The following ACSM3 variants were observed in gnomAD, a reference collection of about 807,000 sequenced individuals.
ACSM3 encodes the protein acyl-CoA synthetase medium chain family member 3.
Under a neutral mutation model 74.1 loss-of-function variants are expected in ACSM3, and 61 were observed. That is an observed-to-expected ratio of 0.82 (90% CI 0.67 to 1.02). The LOEUF (loss-of-function observed/expected upper bound fraction) is 1.02, where lower values mean the gene tolerates loss of function less well. Ranked by LOEUF, ACSM3 falls within the 50% of genes least tolerant of loss-of-function variation. ACSM3 has a pLI of 0.00. For missense variants in ACSM3, 660 were observed against 697.0 expected (o/e 0.95, Z 0.60); for synonymous variants, 213 against 241.5 (o/e 0.88, Z 1.09).
chr16:20,688,955 A>G lies in ACSM3; in HGVS notation c.-190+14133A>G, dbSNP rs570889117. ...AAATCATAAAAATAATTATAAATAT[A>G]TGTTAACTTATTAACATATATTTAA... On this transcript the variant is annotated intron_variant, in intron 1 of 3. Transcript: ENST00000561584. Among the ~76,000 whole-genome samples, 153 of 148,884 alleles carry G rather than the reference A, an allele frequency of 1.0e-3. No homozygotes were observed. In the Middle Eastern group the frequency reaches 0.011, roughly 10 times the overall value.
intron 1 of ACSM3, chr16:20,727,261 G>C (rs16970574): frequency 0.057 from 27,536 of 483,692 alleles, 961 homozygotes; most frequent in Middle Eastern, 0.13. Context: ...TTCTATGCTT[G>C]CTGCTTGAAT....
intron 1 of ACSM3, among the ~76,000 whole-genome samples, chr16:20,715,279 T>C (rs2079757581): frequency 6.6e-6 from 1 of 152,196 alleles, no homozygotes; most frequent in Non-Finnish European, 1.5e-5. Flanking sequence ...AAGAAAACCA[T>C]GTTAATATTT....
chr16:20,784,839 G>A (rs2080435454), intron 7 of ACSM3, 145 bp from the exon 8 acceptor site: 3 of 694,046 alleles, frequency 4.3e-6, no homozygotes, highest in Non-Finnish European at 6.7e-6. Context: ...ATATGTTTAT[G>A]GGGTAAAATG....
intron 1 of ACSM3, chr16:20,676,171 G>A (rs562312523): frequency 1.3e-5 from 2 of 152,428 alleles, no homozygotes; most frequent in South Asian, 4.1e-4. Flanking sequence ...TGAAAGGCTG[G>A]AAAAGTCAGG....
In ACSM3 at chr16:20,685,198, C is replaced by T. The variant is rs769122330; in HGVS notation, c.-190+10376C>T. 2.9e-5 allele frequency: 47 copies of T among 1,614,012 alleles called. No homozygotes were observed. The East Asian group carries it at 4.0e-4, about 14-fold the overall frequency. ...GTCCCTCTTGCATCACTGACCTGTT[C>T]GCATGCAGCCCACAGCCACCAGCCA... On this transcript the variant is annotated intron_variant, in intron 1 of 3. Coordinates refer to the ACSM3 transcript ENST00000561584.
Position 20,717,963 on chromosome 16 carries a change from GAAGAAGAAGAAGAA to G in ACSM3, c.-189-31946_-189-31933del, listed in dbSNP as rs1596484250. ...AGAAGAGGAAGAGGAAGAGGAAGAA[GAAGAAGAAGAAGAA>G]GAAGAAGAAGAAGAAGAAGAAGAAG... On this transcript the variant is annotated intron_variant, in intron 1 of 3. Coordinates refer to the ACSM3 transcript ENST00000561584. Among the ~76,000 whole-genome samples the G allele has an allele frequency of 5.4e-3, 505 of 93,668 alleles. 12 individuals are homozygous for G. Among genetic ancestry groups the G allele is most frequent in the African/African-American group, 0.017 (339 of 20,068 alleles). 61.4% of individuals were successfully genotyped at this position (93,668 alleles called of 152,430 possible). A position where few individuals can be genotyped will look rare whatever the true frequency, so the allele number is the denominator to read the frequency against.
chr16:20,754,204 G>GAAACTCC (rs2080011301), intron 2 of ACSM3, among the ~76,000 whole-genome samples: 1 of 152,178 alleles, frequency 6.6e-6, no homozygotes, highest in African/African-American at 2.4e-5. Flanking sequence ...AGAAGGAGAG[G>GAAACTCC]TACTAGTTTA....
intron 1 of ACSM3, among the ~76,000 whole-genome samples, chr16:20,742,825 T>C (rs1457069291): frequency 9.0e-5 from 13 of 144,794 alleles, no homozygotes; most frequent in East Asian, 2.1e-4. Context: ...TTTTTTTTTT[T>C]CCCTTCTCCC....
At chr16:20,718,019 A>AGAG (rs1427441373) in intron 1 of ACSM3, among the ~76,000 whole-genome samples, 5 of 149,048 alleles carry the variant, frequency 3.4e-5, no homozygotes, top group African/African-American at 1.3e-4. Context: ...AAGAAGAAGA[A>AGAG]GAAGAAGAAA....
chr16:20,733,029 T>A (rs1289643318), intron 1 of ACSM3: 1 of 153,626 alleles, frequency 6.5e-6, no homozygotes, highest in Non-Finnish European at 1.5e-5. Flanking sequence ...GTAATATGAT[T>A]GCTTTCTCGA....
At chr16:20,682,211 C>T (rs750849186) in intron 1 of ACSM3, 44 of 1,585,814 alleles carry the variant, frequency 2.8e-5, no homozygotes, top group Non-Finnish European at 3.6e-5. Context: ...AATTATCCCA[C>T]AACAACTGTA....
At position 20,769,989 on chromosome 16, in the gene ACSM3, C is replaced by CT; in HGVS notation, c.-45dup. On this transcript the variant is annotated 5_prime_UTR_variant, in exon 2 of 14. The change abolishes the stop of an existing upstream ORF in the 5' untranslated region. Transcript: ENST00000289416. ...CCTTTTTGCTTGTCTTTTAGATGAA[C>CT]TGGTCTCTGTGCAAATCCTGAGTGC... The CT allele has an allele frequency of 6.3e-7, 1 of 1,583,060 alleles. No homozygotes were observed. Among genetic ancestry groups the CT allele is most frequent in the Non-Finnish European group, 8.7e-7 (1 of 1,152,446 alleles).
Position 20,797,032 on chromosome 16 carries a change from A to C in ACSM3, c.*60A>C. 2.5e-6 allele frequency: 4 copies of C among 1,580,926 alleles called. No homozygotes were observed. The South Asian group carries it at 4.8e-5, about 19-fold the overall frequency. On this transcript the variant is annotated 3_prime_UTR_variant, in exon 14 of 14. Coordinates refer to ENST00000289416, the MANE Select transcript of ACSM3 (RefSeq NM_005622.4). ...ACATAGTATCTGTCAATCTCTAGAA[A>C]CCACAAGATGATGGAGAGGTCATAA...
chr16:20,781,919 C>A (rs879013534), intron 7 of ACSM3, 132 bp downstream of exon 7: 1 of 652,450 alleles, frequency 1.5e-6, no homozygotes, highest in Non-Finnish European at 2.7e-6. Flanking sequence ...TCCTCTTCCT[C>A]TTTCTCCTTC....
chr16:20,690,030 G>A (rs1473062471), intron 1 of ACSM3, among the ~76,000 whole-genome samples: 1 of 152,162 alleles, frequency 6.6e-6, no homozygotes, highest in Non-Finnish European at 1.5e-5. Context: ...GATTGCCAAG[G>A]CACATAACAA....
At chr16:20,754,038 A>C (rs975249675) in intron 2 of ACSM3, among the ~76,000 whole-genome samples, 13 of 152,238 alleles carry the variant, frequency 8.5e-5, no homozygotes, top group African/African-American at 2.7e-4. Context: ...AAGGTGACCC[A>C]CGCTAGGACC....
At chr16:20,788,397 G>T (rs2152481495) in intron 9 of ACSM3, among the ~76,000 whole-genome samples, 1 of 152,236 alleles carries the variant, frequency 6.6e-6, no homozygotes, top group South Asian at 2.1e-4. Flanking sequence ...ACCCCCACCT[G>T]CTCCCCATTA....
At chr16:20,708,330 C>T (rs1025657631) in intron 1 of ACSM3, among the ~76,000 whole-genome samples, 1 of 152,168 alleles carries the variant, frequency 6.6e-6, no homozygotes, top group African/African-American at 2.4e-5. Flanking sequence ...ACAACAGCGA[C>T]ACCTTTTGGC....
rs374096382 is a variant in ACSM3 at position 20,785,105 on chromosome 16, A to T, written c.1141A>T (p.Thr381Ser). The T allele has an allele frequency of 6.8e-6, 11 of 1,612,992 alleles. No individual in the cohort carries two copies. Among genetic ancestry groups the T allele is most frequent in the East Asian group, 2.2e-5 (1 of 44,800 alleles). Residue 381 changes from threonine (T) to serine (S), a missense_variant and splice_region_variant, in exon 8 of 14, where the codon ACG (threonine) becomes TCG (serine). Transcript: ENST00000289416. ...CTACGAAGGATATGGACAGACTGAAACGGTACCTGACCTCACTGAAAAGAC... is the reference window on the plus strand; with the variant it reads ...CTACGAAGGATATGGACAGACTGAATCGGTACCTGACCTCACTGAAAAGAC... Reference protein sequence around the residue: ...DIYEGYGQTETVLICGNFKGM... With the variant: ...DIYEGYGQTESVLICGNFKGM...
Sources: gnomAD v4.1 joint callset for allele counts (sites outside exome capture counted in the v4.1 genomes callset) on GRCh38, gnomAD v4.1.1 for gene constraint, MANE v1.5 for transcripts, NCBI Gene and HGNC (gene_info 2026-07-23, HGNC 2026-07-21) for gene names.